Variants in CPLX1 observed in about 807,000 individuals in gnomAD.
The protein encoded by CPLX1 is complexin 1, also known as complexin-1.
In CPLX1, 6 loss-of-function variants were observed where a neutral mutation model predicts 15.6. The observed-to-expected ratio is 0.39, with a 90% CI of 0.21 to 0.76. The LOEUF is 0.76. CPLX1 is among the 30% of genes least tolerant of loss of function. CPLX1 has a pLI of 0.43. For synonymous variants in CPLX1, 91 were observed against 75.2 expected, an observed-to-expected ratio of 1.21 and a Z score of -1.08; for missense variants, 242 against 188.6, an observed-to-expected ratio of 1.28 and a Z score of -1.66.
At chr4:819,719 C>CT (rs1291441602) in intron 2 of CPLX1, among the ~76,000 whole-genome samples, 1 of 152,234 alleles carries the variant, frequency 6.6e-6, no homozygotes, top group Non-Finnish European at 1.5e-5. Flanking sequence ...CCACCTTCCT[C>CT]TTCTAGCTGT....
At chr4:810,211 G>A (rs1041127483) in intron 2 of CPLX1, among the ~76,000 whole-genome samples, 18 of 151,834 alleles carry the variant, frequency 1.2e-4, no homozygotes, top group Non-Finnish European at 1.6e-4. Flanking sequence ...AACCACGCCC[G>A]GCTAATTTTT....
intron 3 of CPLX1, chr4:787,951 C>T: frequency 1.0e-6 from 1 of 985,272 alleles, no homozygotes; most frequent in Non-Finnish European, 1.2e-6. Flanking sequence ...CTGAACAGGA[C>T]CCCCGGGCCA....
chr4:825,373 A>G (rs1457110484), intron 1 of CPLX1, among the ~76,000 whole-genome samples: 2 of 152,146 alleles, frequency 1.3e-5, no homozygotes, highest in African/African-American at 4.8e-5. Flanking sequence ...CGCCCTCCGC[A>G]GAGGAAGGAG....
At chr4:809,730 C>T (rs779695947) in intron 2 of CPLX1, among the ~76,000 whole-genome samples, 21 of 152,244 alleles carry the variant, frequency 1.4e-4, no homozygotes, top group Admixed American at 1.2e-3. Context: ...GTCCAGCCCT[C>T]GGGTTTCATG....
At chr4:786,980 C>T (rs1746014474) in intron 3 of CPLX1, 1 of 985,294 alleles carries the variant, frequency 1.0e-6, no homozygotes, top group African/African-American at 1.7e-5. Context: ...TGTGGCCCCA[C>T]CTCTGGCTCC....
intron 2 of CPLX1, among the ~76,000 whole-genome samples, chr4:812,581 C>T (rs940954138): frequency 6.6e-6 from 1 of 152,114 alleles, no homozygotes; most frequent in Non-Finnish European, 1.5e-5. Flanking sequence ...CAGAATACCG[C>T]TCGAATCCCA....
intron 2 of CPLX1, among the ~76,000 whole-genome samples, chr4:810,899 G>C (rs980792933): frequency 7.9e-5 from 12 of 151,776 alleles, no homozygotes; most frequent in African/African-American, 2.9e-4. Context: ...TTTTCACCAT[G>C]TTGGCCAGGA....
At chr4:809,342 C>A (rs1011657748) in intron 2 of CPLX1, among the ~76,000 whole-genome samples, 1 of 152,228 alleles carries the variant, frequency 6.6e-6, no homozygotes, top group Non-Finnish European at 1.5e-5. Flanking sequence ...TTCTCATTCT[C>A]CCCCAGAAAG....
chr4:791,190 A>AGCGGGGG (rs1429171471), intron 3 of CPLX1, among the ~76,000 whole-genome samples: 19 of 79,954 alleles, frequency 2.4e-4, no homozygotes, highest in African/African-American at 8.0e-4. Flanking sequence ...GGGGGCGGGG[A>AGCGGGGG]GCGGGGGGCG....
intron 2 of CPLX1, among the ~76,000 whole-genome samples, chr4:795,417 G>C (rs1279142430): frequency 2.6e-5 from 4 of 152,196 alleles, no homozygotes; most frequent in Admixed American, 6.5e-5. Flanking sequence ...GGAGGGCGGC[G>C]CTGCGACCCA....
At chr4:812,457 G>T (rs1372978447) in intron 2 of CPLX1, among the ~76,000 whole-genome samples, 1 of 152,114 alleles carries the variant, frequency 6.6e-6, no homozygotes, top group Non-Finnish European at 1.5e-5. Flanking sequence ...TGACAATTCT[G>T]CTTTTTAATG....
intron 2 of CPLX1, among the ~76,000 whole-genome samples, chr4:815,727 T>G (rs1235275915): frequency 6.6e-6 from 1 of 152,172 alleles, no homozygotes; most frequent in African/African-American, 2.4e-5. Context: ...GTTTCACAGG[T>G]CATAAATCTC....
intron 2 of CPLX1, among the ~76,000 whole-genome samples, chr4:798,988 G>A (rs1297479518): frequency 6.6e-6 from 1 of 152,082 alleles, no homozygotes; most frequent in African/African-American, 2.4e-5. Context: ...GCTCTTCTGC[G>A]ATATTATGAG....
At chr4:789,229 C>T (rs1271849998) in intron 3 of CPLX1, among the ~76,000 whole-genome samples, 1 of 152,112 alleles carries the variant, frequency 6.6e-6, no homozygotes, top group African/African-American at 2.4e-5. Context: ...GGCGTCTGCT[C>T]CAGAGACAAA....
intron 2 of CPLX1, among the ~76,000 whole-genome samples, chr4:803,934 G>A (rs1746507265): frequency 6.6e-6 from 1 of 152,036 alleles, no homozygotes; most frequent in South Asian, 2.1e-4. Context: ...GCATCCCAAA[G>A]TGCTGAGATT....
intron 2 of CPLX1, among the ~76,000 whole-genome samples, chr4:796,067 G>A (rs1426441138): frequency 6.6e-6 from 1 of 152,118 alleles, no homozygotes; most frequent in Non-Finnish European, 1.5e-5. Context: ...CAGAGCAGCC[G>A]CCCCTGAGGT....
chr4:794,197 T>C (rs1746267169), intron 2 of CPLX1, among the ~76,000 whole-genome samples: 1 of 152,180 alleles, frequency 6.6e-6, no homozygotes, highest in African/African-American at 2.4e-5. Flanking sequence ...TTTGGTTGAG[T>C]GCTCTGGGCT....
At chr4:793,722 T>TC (rs1291015768) in intron 2 of CPLX1, among the ~76,000 whole-genome samples, 2 of 152,070 alleles carry the variant, frequency 1.3e-5, no homozygotes, top group Non-Finnish European at 2.9e-5. Context: ...AATGCCGCTC[T>TC]CCCCCCGCGG....
rs867221820 is a variant in CPLX1, at chr4:822,921, G to A, written c.31+1571C>T. On this transcript the variant is annotated intron_variant, in intron 2 of 3. Coordinates refer to ENST00000304062, the MANE Select transcript of CPLX1 (RefSeq NM_006651.4). The stretch of plus-strand genomic sequence containing the variant: ...TGGGGTGCTCTGGGAAGCACTCAGC[G>A]TGGAGCCCCCCCAGGGTCTGCTGGC... Among the ~76,000 whole-genome samples the A allele has an allele frequency of 2.1e-4, 32 of 152,314 alleles. No individual in the cohort carries two copies. In the Middle Eastern group the frequency reaches 0.01, roughly 49 times the overall value.
Sources: allele counts gnomAD v4.1 joint callset (sites outside exome capture counted in the v4.1 genomes callset), GRCh38; gene constraint gnomAD v4.1.1; transcripts MANE v1.5; gene names NCBI Gene and HGNC (gene_info 2026-07-23, HGNC 2026-07-21).